The following CSMD1 variants were observed in gnomAD, a reference collection of about 807,000 sequenced individuals.
The protein encoded by CSMD1 is CUB and Sushi multiple domains 1.
CSMD1 carries 213 observed loss-of-function variants against 417.5 expected under a neutral mutation model. The observed-to-expected ratio is 0.51, with a 90% CI of 0.46 to 0.57. The LOEUF (loss-of-function observed/expected upper bound fraction) is 0.57. Among genes scored for constraint, CSMD1 ranks in the 20% least tolerant of loss-of-function variants. The probability of loss-of-function intolerance (pLI) is 0.00; values close to 1 mark genes in which losing one functional copy is unlikely to be tolerated. For synonymous variants in CSMD1, 2,862 were observed against 1,736.8 expected, an observed-to-expected ratio of 1.65 and a Z score of -16.11; for missense variants, 6,923 against 4,529.7, an observed-to-expected ratio of 1.53 and a Z score of -15.17.
At chr8:3,325,889 A>T (rs1806496131) in intron 23 of CSMD1, among the ~76,000 whole-genome samples, 2 of 152,194 alleles carry the variant, frequency 1.3e-5, no homozygotes, top group Admixed American at 1.3e-4. Context: ...ATGTGAATCC[A>T]CTATCAGATC....
chr8:3,481,599 G>C (rs1405982442), intron 11 of CSMD1, among the ~76,000 whole-genome samples: 2 of 152,180 alleles, frequency 1.3e-5, no homozygotes, highest in African/African-American at 2.4e-5. Context: ...ATTAAGTTAA[G>C]GATCGAAATG....
intron 10 of CSMD1, among the ~76,000 whole-genome samples, chr8:3,569,042 C>T (rs762272104): frequency 2.0e-5 from 3 of 152,106 alleles, no homozygotes; most frequent in African/African-American, 4.8e-5. Context: ...AATGTGTCTA[C>T]AATAAAACAT....
chr8:2,959,756 T>C (rs1209270877), intron 62 of CSMD1, among the ~76,000 whole-genome samples: 1 of 152,122 alleles, frequency 6.6e-6, no homozygotes, highest in Non-Finnish European at 1.5e-5. Context: ...CATATGGTGC[T>C]AAAGAAAACA....
chr8:4,671,696 A>G (rs979872415), intron 1 of CSMD1, among the ~76,000 whole-genome samples: 1 of 152,012 alleles, frequency 6.6e-6, no homozygotes, highest in African/African-American at 2.4e-5. Flanking sequence ...ATTTTTTCTT[A>G]CCTCAAAATA....
At position 3,040,741 on chromosome 8, in the gene CSMD1, T is replaced by C. The variant is rs778954289; in HGVS notation, c.7661-11228A>G. 1.1e-3 allele frequency among the ~76,000 whole-genome samples: 168 copies of C among 152,070 alleles called. 3 individuals carry two copies. Among genetic ancestry groups the C allele is most frequent in the Non-Finnish European group, 2.8e-4 (19 of 68,014 alleles). ...TCGCTTGAACCCGAGAGACAGAGGT[T>C]AGAGCGAGTTGAGATCGTGCCACTG... On this transcript the variant is annotated intron_variant, in intron 50 of 69. Transcript: ENST00000635120.
chr8:3,499,980 C>G (rs1211641596), intron 10 of CSMD1, among the ~76,000 whole-genome samples: 1 of 152,082 alleles, frequency 6.6e-6, no homozygotes, highest in East Asian at 1.9e-4. Flanking sequence ...CTACCCTTGG[C>G]TCAGGGCCTA....
chr8:4,218,199 G>C (rs1205291606), intron 3 of CSMD1, among the ~76,000 whole-genome samples: 3 of 152,154 alleles, frequency 2.0e-5, no homozygotes, highest in Non-Finnish European at 2.9e-5. Flanking sequence ...AATCACTCTT[G>C]TTGGCACTTT....
At chr8:3,944,162 T>A (rs570597530) in intron 5 of CSMD1, among the ~76,000 whole-genome samples, 8 of 152,164 alleles carry the variant, frequency 5.3e-5, no homozygotes, top group African/African-American at 1.9e-4. Flanking sequence ...ATTTTTTTAC[T>A]GTTTATGCAA....
intron 1 of CSMD1, among the ~76,000 whole-genome samples, chr8:4,671,150 G>A (rs376305274): frequency 6.6e-6 from 1 of 152,166 alleles, no homozygotes; most frequent in Non-Finnish European, 1.5e-5. Flanking sequence ...AAATCCTGCG[G>A]CATGATTTAT....
chr8:3,653,548 A>C (rs973005033), intron 7 of CSMD1, among the ~76,000 whole-genome samples: 1 of 152,148 alleles, frequency 6.6e-6, no homozygotes, highest in Non-Finnish European at 1.5e-5. Context: ...ACCTCAAGTA[A>C]TCAGCGCACC....
intron 1 of CSMD1, among the ~76,000 whole-genome samples, chr8:4,802,394 C>T (rs2117289644): frequency 6.6e-6 from 1 of 151,770 alleles, no homozygotes; most frequent in East Asian, 1.9e-4. Flanking sequence ...TAGTGAGAAG[C>T]ATCCCCGTGG....
At chr8:3,337,423 G>T (rs918804599) in intron 23 of CSMD1, among the ~76,000 whole-genome samples, 2 of 152,148 alleles carry the variant, frequency 1.3e-5, no homozygotes, top group Non-Finnish European at 2.9e-5. Context: ...CAGCCACAAG[G>T]TTTATTCTAC....
intron 5 of CSMD1, among the ~76,000 whole-genome samples, chr8:3,938,431 G>A (rs140052591): frequency 5.3e-5 from 8 of 152,286 alleles, no homozygotes; most frequent in African/African-American, 1.9e-4. Context: ...GAATAGTAGA[G>A]CTTAATGTCT....
At chr8:4,271,760 C>A (rs535032999) in intron 3 of CSMD1, among the ~76,000 whole-genome samples, 5 of 152,194 alleles carry the variant, frequency 3.3e-5, no homozygotes, top group East Asian at 1.9e-4. Context: ...ACATATAAAA[C>A]AAAAATGGAT....
At chr8:3,696,029 A>G (rs1800533471) in intron 7 of CSMD1, among the ~76,000 whole-genome samples, 1 of 152,140 alleles carries the variant, frequency 6.6e-6, no homozygotes, top group Non-Finnish European at 1.5e-5. Context: ...CCATTTGTAT[A>G]TTTGCACACG....
chr8:3,305,521 G>C (rs901681452), intron 25 of CSMD1, among the ~76,000 whole-genome samples: 5 of 152,076 alleles, frequency 3.3e-5, no homozygotes, highest in Non-Finnish European at 7.4e-5. Context: ...GGGAGCCCCT[G>C]ATAAAAGGTT....
chr8:3,058,273 T>G (rs571566178), intron 49 of CSMD1, among the ~76,000 whole-genome samples: 1 of 152,226 alleles, frequency 6.6e-6, no homozygotes, highest in Non-Finnish European at 1.5e-5. Context: ...GTGCATTGTC[T>G]TCTTAAAATT....
chr8:3,633,764 C>T (rs959826799), intron 7 of CSMD1, among the ~76,000 whole-genome samples: 1 of 152,128 alleles, frequency 6.6e-6, no homozygotes, highest in Admixed American at 6.5e-5. Context: ...ACCCCATAGG[C>T]ATTGCTTTAT....
At chr8:4,013,461 G>T (rs1467297757) in intron 4 of CSMD1, among the ~76,000 whole-genome samples, 1 of 152,208 alleles carries the variant, frequency 6.6e-6, no homozygotes, top group Non-Finnish European at 1.5e-5. Context: ...GGGTTTCCAG[G>T]ACATGGGATC....
Sources: gnomAD v4.1 joint callset for allele counts (sites outside exome capture counted in the v4.1 genomes callset) on GRCh38, gnomAD v4.1.1 for gene constraint, MANE v1.5 for transcripts, NCBI Gene and HGNC (gene_info 2026-07-23, HGNC 2026-07-21) for gene names.